The following ZC3H7A variants were observed in gnomAD, a reference collection of about 807,000 sequenced individuals.
ZC3H7A encodes the protein zinc finger CCCH domain-containing protein 7A.
ZC3H7A carries 44 observed loss-of-function variants against 125.5 expected under a neutral mutation model. The ratio of observed to expected loss-of-function variants is 0.35; its 90% CI spans 0.28 to 0.45. The LOEUF (loss-of-function observed/expected upper bound fraction) is 0.45. Among genes scored for constraint, ZC3H7A ranks in the 20% least tolerant of loss-of-function variants. The pLI is 1.00. For missense variants in ZC3H7A, 977 were observed against 1,170.7 expected, an observed-to-expected ratio of 0.83 and a Z score of 2.41; for synonymous variants, 399 against 391.2, an observed-to-expected ratio of 1.02 and a Z score of -0.23.
intron 4 of ZC3H7A, 67 bp downstream of exon 4, chr16:11,779,099 T>C: frequency 1.6e-6 from 2 of 1,271,876 alleles, no homozygotes. Context: ...GACTTTTTAT[T>C]AATGTACTAA....
At chr16:11,777,637 C>G (rs2141202872) in intron 4 of ZC3H7A, among the ~76,000 whole-genome samples, 1 of 152,148 alleles carries the variant, frequency 6.6e-6, no homozygotes, top group East Asian at 1.9e-4. Context: ...AGGAAAATCA[C>G]TTGAACCCAG....
chr16:11,776,642 T>C (rs1238776019), intron 5 of ZC3H7A, 109 bp downstream of exon 5: 2 of 1,492,608 alleles, frequency 1.3e-6, no homozygotes, highest in Non-Finnish European at 1.8e-6. Context: ...TTAGCATTTA[T>C]ACCCAACTGA....
At chr16:11,758,351 C>G (rs1028696389) in intron 20 of ZC3H7A, 80 bp downstream of exon 20, 16 of 1,049,044 alleles carry the variant, frequency 1.5e-5, no homozygotes, top group Non-Finnish European at 2.3e-5. Context: ...TCTGTGTTCA[C>G]AGGAAGCTGG....
At position 11,756,068 on chromosome 16, in the gene ZC3H7A, C is replaced by G. The variant is rs568966911; in HGVS notation, c.2562+169G>C. Among the ~76,000 whole-genome samples the G allele has an allele frequency of 1.2e-4, 18 of 152,182 alleles. 1 individual carries two copies. The East Asian group carries it at 3.3e-3, about 28-fold the overall frequency. On this transcript the variant is annotated intron_variant, in intron 21 of 22. Transcript: ENST00000355758. ...ATCCCAGCTACTTGGGAGGCTGAGG[C>G]AAGAGAATTGCTTGAACCAGGGAGG... is the stretch of plus-strand genomic sequence containing the variant.
chr16:11,770,486 G>C (rs1193334386), intron 10 of ZC3H7A, among the ~76,000 whole-genome samples: 1 of 152,000 alleles, frequency 6.6e-6, no homozygotes, highest in Non-Finnish European at 1.5e-5. Flanking sequence ...ACACCTTTAC[G>C]GGAGAATACA....
Position 11,768,489 on chromosome 16 carries a change from C to G in ZC3H7A, c.1186G>C (p.Gly396Arg), listed in dbSNP as rs753041008. ...NSSLLLMNGP[G>R]SLFASENFLG... is the part of the protein sequence containing the mutation. Reference sequence around the variant, plus strand: ...AAATTCTCTGAAGCAAACAAACTACCTGGTCCATTCATCTGCAAGAAAAAT... The same window carrying G: ...AAATTCTCTGAAGCAAACAAACTACGTGGTCCATTCATCTGCAAGAAAAAT... The change falls in exon 12 of 23, where the codon GGT (glycine) becomes CGT (arginine). Residue 396 changes from glycine to arginine, a missense_variant. Gly to Arg is a moderately radical substitution (Grantham distance 125). Around this residue, in one of 3 missense-constraint regions of ZC3H7A, gnomAD observed 342 missense variants for 311.3 expected, o/e 1.10. Transcript: ENST00000355758. 8 of 1,456,024 alleles carry G rather than the reference C, an allele frequency of 5.5e-6. No individual in the cohort carries two copies. The highest frequency in any genetic ancestry group is 2.4e-5 in the East Asian group (1 of 41,034). The allele number at this position is 1,456,024 out of a possible 1,614,324, so 90.2% of individuals were successfully genotyped here.
intron 22 of ZC3H7A, 53 bp from the exon 23 acceptor site, chr16:11,751,559 G>C: frequency 6.5e-7 from 1 of 1,539,784 alleles, no homozygotes; most frequent in Non-Finnish European, 8.8e-7. Context: ...TCTAAAAATC[G>C]TGTCATGATT....
intron 1 of ZC3H7A, among the ~76,000 whole-genome samples, chr16:11,795,890 T>G (rs940433516): frequency 6.6e-6 from 1 of 152,124 alleles, no homozygotes; most frequent in African/African-American, 2.4e-5. Context: ...GAAGCCTCAA[T>G]CTCCTGGGCT....
Position 11,774,913 on chromosome 16 carries a change from A to G in ZC3H7A, c.619+67T>C, listed in dbSNP as rs2053053942. ...CAGCGATATTATTTGACAATACATCACATACAAAGACATCAGGTACAAAGC... is the reference window on the plus strand; with the variant it reads ...CAGCGATATTATTTGACAATACATCGCATACAAAGACATCAGGTACAAAGC... On this transcript the variant is annotated intron_variant, in intron 8 of 22. Transcript: ENST00000355758. The G allele has an allele frequency of 3.3e-6, 5 of 1,502,194 alleles. No homozygotes were observed. In the Admixed American group the frequency reaches 8.5e-5, roughly 25 times the overall value. The allele number at this position is 1,502,194 out of a possible 1,614,324, so 93.1% of individuals were successfully genotyped here. A position where few individuals can be genotyped will look rare whatever the true frequency, so the allele number is the denominator to read the frequency against.
intron 9 of ZC3H7A, among the ~76,000 whole-genome samples, chr16:11,773,836 C>G (rs1034196606): frequency 2.0e-5 from 3 of 149,290 alleles, no homozygotes; most frequent in Non-Finnish European, 2.9e-5. Context: ...TGAGCCAAGA[C>G]TGCGCCACTG....
chr16:11,794,005 T>TCCGCCTGCCAAGAGCCTCCCTCGGCA (rs1369311061), intron 1 of ZC3H7A, among the ~76,000 whole-genome samples: 1 of 152,178 alleles, frequency 6.6e-6, no homozygotes, highest in Non-Finnish European at 1.5e-5. Context: ...GCGAAGAGGC[T>TCCGCCTGCCAAGAGCCTCCCTCGGCA]CCGCCTGCCA....
At position 11,757,832 on chromosome 16, in the gene ZC3H7A, T is replaced by C. The variant is rs111471214; in HGVS notation, c.2428+599A>G. 2.6e-3 allele frequency among the ~76,000 whole-genome samples: 390 copies of C among 152,334 alleles called. 1 individual carries two copies. Among genetic ancestry groups the C allele is most frequent in the African/African-American group, 8.9e-3 (372 of 41,586 alleles). On this transcript the variant is annotated intron_variant, in intron 20 of 22. Coordinates refer to ENST00000355758, the MANE Select transcript of ZC3H7A (RefSeq NM_014153.4). The stretch of plus-strand genomic sequence containing the variant: ...AACAGTCAAATCTGGTTGGTTCTTA[T>C]AATCCAGAGACTGCAGTCAGTATAC...
chr16:11,779,435 A>G lies in ZC3H7A; in HGVS notation c.109-72T>C, dbSNP rs1315978142. ...ATGGTATAAGTAAATTTTAATTTTT[A>G]TACCTAAAACTTCACAGGAAACAAT... On this transcript the variant is annotated intron_variant, in intron 3 of 22. Coordinates refer to ENST00000355758, the MANE Select transcript of ZC3H7A (RefSeq NM_014153.4). The G allele has an allele frequency of 6.5e-6, 9 of 1,374,090 alleles. No homozygotes were observed. The African/African-American group carries it at 1.3e-4, about 20-fold the overall frequency. The allele number at this position is 1,374,090 out of a possible 1,614,324, so 85.1% of individuals were successfully genotyped here. A position where few individuals can be genotyped will look rare whatever the true frequency, so the allele number is the denominator to read the frequency against.
intron 20 of ZC3H7A, among the ~76,000 whole-genome samples, chr16:11,757,294 C>G (rs2052665950): frequency 6.6e-6 from 1 of 151,888 alleles, no homozygotes; most frequent in Non-Finnish European, 1.5e-5. Context: ...ACCATCCTGG[C>G]TAACACGGTG....
intron 19 of ZC3H7A, chr16:11,758,851 C>T: frequency 3.6e-6 from 1 of 277,512 alleles, no homozygotes; most frequent in Middle Eastern, 1.2e-3. Context: ...ACATCCCTGG[C>T]CCTCTCAGTC....
intron 17 of ZC3H7A, 98 bp downstream of exon 17, chr16:11,762,573 C>T (rs1048142518): frequency 1.8e-6 from 2 of 1,096,948 alleles, no homozygotes; most frequent in Non-Finnish European, 2.7e-6. Context: ...AAGAAAGTAA[C>T]TGGACTGTAA....
chr16:11,757,435 G>A (rs2052669559), intron 20 of ZC3H7A, among the ~76,000 whole-genome samples: 2 of 129,452 alleles, frequency 1.5e-5, no homozygotes, highest in African/African-American at 6.0e-5. Flanking sequence ...AGTGACCCGA[G>A]ATCACGCCAC....
intron 21 of ZC3H7A, among the ~76,000 whole-genome samples, chr16:11,754,893 C>CA (rs35345665): frequency 0.013 from 893 of 68,840 alleles, 10 homozygotes; most frequent in Non-Finnish European, 0.016. Context: ...CTCCGTCTCA[C>CA]AAAAAAAAAA....
intron 6 of ZC3H7A, 38 bp from the exon 7 acceptor site, chr16:11,776,396 T>A: frequency 1.9e-6 from 3 of 1,605,048 alleles, no homozygotes; most frequent in Non-Finnish European, 2.5e-6. Context: ...AAAACAGAAC[T>A]GACTCCAAGT....
Sources: allele counts gnomAD v4.1 joint callset (sites outside exome capture counted in the v4.1 genomes callset), GRCh38; gene constraint gnomAD v4.1.1; regional missense constraint gnomAD v4.1.1; transcripts MANE v1.5; gene names NCBI Gene and HGNC (gene_info 2026-07-23, HGNC 2026-07-21).